The following PIK3CD variants were observed in gnomAD, a reference collection of about 807,000 sequenced individuals.
PIK3CD encodes phosphatidylinositol-4,5-bisphosphate 3-kinase catalytic subunit delta.
In PIK3CD, 20 loss-of-function variants were observed where a neutral mutation model predicts 122.9. The ratio of observed to expected loss-of-function variants is 0.16; its 90% CI spans 0.11 to 0.24. The LOEUF (loss-of-function observed/expected upper bound fraction) is 0.24. PIK3CD is among the 10% of genes least tolerant of loss of function. The pLI, the probability that PIK3CD is intolerant of heterozygous loss-of-function variation, is 1.00. For missense variants in PIK3CD, 787 were observed against 1,406.3 expected, an observed-to-expected ratio of 0.56 and a Z score of 7.04; for synonymous variants, 596 against 593.4, an observed-to-expected ratio of 1.00 and a Z score of -0.06.
At chr1:9,630,470 G>C in the PIK3CD span, among the ~76,000 whole-genome samples, 1 of 152,352 alleles carries the variant, frequency 6.6e-6, no homozygotes, top group African/African-American at 2.4e-5. Flanking sequence ...AGACTCACTG[G>C]TGATGCCCTC....
At position 9,726,807 on chromosome 1, in the gene PIK3CD, C is replaced by G. The variant is rs914156763; in HGVS notation, c.2998-102C>G. Reference sequence around the variant, plus strand: ...TTCCTGAGATGCTGGGAGCTCTCTACTAACCATTTCATTCAGTGACTCTGA... The same window carrying G: ...TTCCTGAGATGCTGGGAGCTCTCTAGTAACCATTTCATTCAGTGACTCTGA... On this transcript the variant is annotated intron_variant, in intron 23 of 23. Transcript: ENST00000377346. The G allele has an allele frequency of 2.4e-5, 34 of 1,438,562 alleles. No individual in the cohort carries two copies. In the Admixed American group the frequency reaches 6.3e-4, roughly 27 times the overall value. The allele number at this position is 1,438,562 out of a possible 1,614,324, so 89.1% of individuals were successfully genotyped here. A position where few individuals can be genotyped will look rare whatever the true frequency, so the allele number is the denominator to read the frequency against.
chr1:9,630,407 C>T, the PIK3CD span, among the ~76,000 whole-genome samples: 1 of 152,262 alleles, frequency 6.6e-6, no homozygotes, highest in Non-Finnish European at 1.5e-5. Context: ...AAAGCATCAC[C>T]TTGTCCCTTC....
Position 9,723,096 on chromosome 1 carries a change from T to G in PIK3CD, c.2427-29T>G. ...TCAGGGACAGCCCTTGACCATGCCA[T>G]TTGCCCGTCCCTCTTCCCCCTTGCC... On this transcript the variant is annotated intron_variant, in intron 19 of 23. Coordinates refer to ENST00000377346, the MANE Select transcript of PIK3CD (RefSeq NM_005026.5). The surrounding 1 kb of genome is among the most constrained non-coding windows in gnomAD (Gnocchi z 4.9). 1 of 1,611,668 alleles carries G rather than the reference T, an allele frequency of 6.2e-7. No homozygotes were observed. The highest frequency in any genetic ancestry group is 8.5e-7 in the Non-Finnish European group (1 of 1,178,712).
chr1:9,680,287 T>C (rs963936572), intron 1 of PIK3CD, among the ~76,000 whole-genome samples: 1 of 152,070 alleles, frequency 6.6e-6, no homozygotes, highest in Non-Finnish European at 1.5e-5. Context: ...CAGTGGTTTT[T>C]AGTATATTCA....
Position 9,710,707 on chromosome 1 carries a change from A to G in PIK3CD, c.141+111A>G, listed in dbSNP as rs1647016359. Reference sequence around the variant, plus strand: ...CAGATGGACAGGTGGACAGACGGACAGACAGATGGACAGATGCACTGCTTT... The same window carrying G: ...CAGATGGACAGGTGGACAGACGGACGGACAGATGGACAGATGCACTGCTTT... On this transcript the variant is annotated intron_variant, in intron 3 of 23. Transcript: ENST00000377346. The surrounding 1 kb of genome is among the most constrained non-coding windows in gnomAD (Gnocchi z 4.7). The G allele has an allele frequency of 8.5e-7, 1 of 1,179,820 alleles. No individual in the cohort carries two copies. Among genetic ancestry groups the G allele is most frequent in the Non-Finnish European group, 1.3e-6 (1 of 794,166 alleles). The allele number at this position is 1,179,820 out of a possible 1,614,324, so 73.1% of individuals were successfully genotyped here. A position where few individuals can be genotyped will look rare whatever the true frequency, so the allele number is the denominator to read the frequency against.
Position 9,718,198 on chromosome 1 carries a change from C to T in PIK3CD, c.1021-496C>T, listed in dbSNP as rs1158625870. 6.4e-6 allele frequency: 3 copies of T among 465,338 alleles called. No homozygotes were observed. The highest frequency in any genetic ancestry group is 2.0e-5 in the African/African-American group (1 of 50,538). 28.8% of individuals were successfully genotyped at this position (465,338 alleles called of 1,614,324 possible). On this transcript the variant is annotated intron_variant, in intron 8 of 23. Coordinates refer to ENST00000377346, the MANE Select transcript of PIK3CD (RefSeq NM_005026.5). This position sits in a 1 kb window ranked among gnomAD's most constrained non-coding sequence, Gnocchi z 7.2. ...CTGGAGTGTGTTTCACTGGGGAAAT[C>T]GTATAAGCAGGGCAGGTCTGGGTTC...
At chr1:9,646,289 TC>T in the PIK3CD span, among the ~76,000 whole-genome samples, 1 of 152,206 alleles carries the variant, frequency 6.6e-6, no homozygotes, top group Non-Finnish European at 1.5e-5. Flanking sequence ...TAACTTCTCC[TC>T]AGCCCCGGTA....
chr1:9,718,873 A>G lies in PIK3CD; in HGVS notation c.1200A>G (p.Lys400=). Residue 400 remains lysine, a synonymous_variant, in exon 9 of 24, where the codon AAA becomes AAG. Coordinates refer to ENST00000377346, the MANE Select transcript of PIK3CD (RefSeq NM_005026.5). This position sits in a 1 kb window ranked among gnomAD's most constrained non-coding sequence, Gnocchi z 7.2. The stretch of plus-strand genomic sequence containing the variant: ...TTGCGCTGTACGCCGTGATCGAGAA[A>G]GCCAAGAAGGCTCGCTCCACCAAGA... The part of the protein sequence containing the change: ...LCFALYAVIE[K]AKKARSTKKK... 6.2e-7 allele frequency: 1 copy of G among 1,613,168 alleles called. No individual in the cohort carries two copies. The highest frequency in any genetic ancestry group is 8.5e-7 in the Non-Finnish European group (1 of 1,180,008).
chr1:9,686,342 T>A (rs1439518570), intron 1 of PIK3CD, among the ~76,000 whole-genome samples: 13 of 151,356 alleles, frequency 8.6e-5, no homozygotes, highest in Admixed American at 8.6e-4. Flanking sequence ...TACAGGCAAA[T>A]GCCACCATGC....
At chr1:9,627,748 C>T in the PIK3CD span, among the ~76,000 whole-genome samples, 1 of 152,204 alleles carries the variant, frequency 6.6e-6, no homozygotes, top group Non-Finnish European at 1.5e-5. Context: ...CGGCCACCTT[C>T]CCTGCTGGCC....
chr1:9,689,329 G>T lies in PIK3CD; in HGVS notation c.-137-2138G>T, dbSNP rs1216703606. 1.3e-5 allele frequency among the ~76,000 whole-genome samples: 2 copies of T among 152,106 alleles called. No homozygotes were observed. Among genetic ancestry groups the T allele is most frequent in the Non-Finnish European group, 2.9e-5 (2 of 67,982 alleles). On this transcript the variant is annotated intron_variant, in intron 1 of 23. Transcript: ENST00000377346. This position sits in a 1 kb window ranked among gnomAD's most constrained non-coding sequence, Gnocchi z 6.1. The stretch of plus-strand genomic sequence containing the variant: ...CTGGCAGCGTCCTGGGCCTCCGGGC[G>T]AGAACAGCGGGGGTCGGGGAGGATT...
intron 1 of PIK3CD, among the ~76,000 whole-genome samples, chr1:9,686,739 G>A (rs537482847): frequency 6.6e-6 from 1 of 152,316 alleles, no homozygotes; most frequent in African/African-American, 2.4e-5. Context: ...AAGGACTGAA[G>A]GTACCTGAGC....
At chr1:9,721,052 C>G (rs1027465831) in intron 13 of PIK3CD, 75 bp from the exon 14 acceptor site, 14 of 1,465,216 alleles carry the variant, frequency 9.6e-6, no homozygotes, top group Admixed American at 8.7e-5. Flanking sequence ...CTGACCCTGG[C>G]TGGCCATCAC....
intron 1 of PIK3CD, among the ~76,000 whole-genome samples, chr1:9,666,705 TTTAC>T (rs1175472576): frequency 1.3e-5 from 2 of 152,112 alleles, no homozygotes; most frequent in Admixed American, 1.3e-4. Flanking sequence ...TTAATTTTTA[TTTAC>T]TTATTTATTT....
In PIK3CD at chr1:9,719,661, A is replaced by C. The variant is rs1270576888; in HGVS notation, c.1243-260A>C. 1.5e-5 allele frequency among the ~76,000 whole-genome samples: 1 copy of C among 67,304 alleles called. No individual in the cohort carries two copies. Among genetic ancestry groups the C allele is most frequent in the African/African-American group, 3.2e-5 (1 of 31,610 alleles). The allele number at this position is 67,304 out of a possible 152,430, so 44.2% of individuals were successfully genotyped here. A position where few individuals can be genotyped will look rare whatever the true frequency, so the allele number is the denominator to read the frequency against. ...GGGTGACAGAGCAAGACTCCGTCTC[A>C]AAAAAAAAAAAAAGCCTGAGTAGGG... is the stretch of plus-strand genomic sequence containing the variant. On this transcript the variant is annotated intron_variant, in intron 9 of 23. Coordinates refer to ENST00000377346, the MANE Select transcript of PIK3CD (RefSeq NM_005026.5). The surrounding 1 kb of genome is among the most constrained non-coding windows in gnomAD (Gnocchi z 5.5).
chr1:9,687,519 T>G (rs536488473), intron 1 of PIK3CD: 1 of 150,496 alleles, frequency 6.6e-6, no homozygotes, highest in Admixed American at 6.6e-5. Flanking sequence ...TGCCCTCGGA[T>G]GTCTGCTGCA....
At chr1:9,682,341 G>C (rs1318404391) in intron 1 of PIK3CD, among the ~76,000 whole-genome samples, 2 of 151,436 alleles carry the variant, frequency 1.3e-5, no homozygotes, top group Admixed American at 1.3e-4. Context: ...TCCGCCTCCA[G>C]GGTTCTCCTG....
Position 9,717,371 on chromosome 1 carries a change from G to A in PIK3CD, c.931-166G>A, listed in dbSNP as rs956804855. 6.7e-5 allele frequency among the ~76,000 whole-genome samples: 10 copies of A among 149,468 alleles called. No individual in the cohort carries two copies. The highest frequency in any genetic ancestry group is 2.4e-4 in the African/African-American group (10 of 41,334). On this transcript the variant is annotated intron_variant, in intron 7 of 23. Coordinates refer to ENST00000377346, the MANE Select transcript of PIK3CD (RefSeq NM_005026.5). The surrounding 1 kb of genome is among the most constrained non-coding windows in gnomAD (Gnocchi z 5.4). ...GGTGTTGGGGCCCCCTGGGGAGCCC[G>A]CATGGCAGGTTTTCTGGGAAAGGAT...
upstream of PIK3CD, among the ~76,000 whole-genome samples, chr1:9,647,729 C>T (rs914202985): frequency 6.6e-5 from 10 of 152,056 alleles, no homozygotes; most frequent in Non-Finnish European, 1.2e-4. Flanking sequence ...TGGTCTTGAT[C>T]CTCTAGCCCC....
Sources: allele counts gnomAD v4.1 joint callset (sites outside exome capture counted in the v4.1 genomes callset), GRCh38; gene constraint gnomAD v4.1.1; non-coding constraint Gnocchi (gnomAD v3.1); transcripts MANE v1.5; gene names NCBI Gene and HGNC (gene_info 2026-07-23, HGNC 2026-07-21).